RNF152: variants seen among roughly 807,000 people sequenced by gnomAD.
The protein encoded by RNF152 is ring finger protein 152.
In RNF152, 11 loss-of-function variants were observed where a neutral mutation model predicts 12.7. The ratio of observed to expected loss-of-function variants is 0.86; its 90% CI spans 0.54 to 1.43. The LOEUF (loss-of-function observed/expected upper bound fraction) is 1.43, where lower values mean the gene tolerates loss of function less well. Ranked by LOEUF, RNF152 falls within the 40% of genes most tolerant of loss-of-function variation. The pLI is 0.00. For missense variants in RNF152, 255 were observed against 274.8 expected (o/e 0.93, Z 0.51); for synonymous variants, 113 against 120.3 (o/e 0.94, Z 0.40).
intron 1 of RNF152, among the ~76,000 whole-genome samples, chr18:61,883,279 C>T (rs1025422436): frequency 8.5e-5 from 13 of 152,106 alleles, no homozygotes; most frequent in African/African-American, 3.1e-4. Context: ...TGTACCGGGC[C>T]CCAAGCGGCT....
Position 61,841,959 on chromosome 18 carries a change from A to C in RNF152, c.-135-25361T>G, listed in dbSNP as rs529926645. On this transcript the variant is annotated intron_variant, in intron 1 of 1. Coordinates refer to ENST00000312828, the MANE Select transcript of RNF152 (RefSeq NM_173557.3). The stretch of plus-strand genomic sequence containing the variant: ...GCCATTGACAATACGTAACAAATGG[A>C]CATGACTGTGTTCCAATAAAACTTT... 9.2e-5 allele frequency among the ~76,000 whole-genome samples: 14 copies of C among 152,360 alleles called. No homozygotes were observed. The Middle Eastern group carries it at 0.01, about 111-fold the overall frequency.
Position 61,818,428 on chromosome 18 carries a change from A to T in RNF152, c.-135-1830T>A, listed in dbSNP as rs554902952. On this transcript the variant is annotated intron_variant, in intron 1 of 1. Transcript: ENST00000312828. The stretch of plus-strand genomic sequence containing the variant: ...ACAGAATGAGACCCTGTCTCAAATT[A>T]AAAAAAAAACAAAAAACAAAAAACA... Among the ~76,000 whole-genome samples, 9 of 148,172 alleles carry T rather than the reference A, an allele frequency of 6.1e-5. No homozygotes were observed. The South Asian group carries it at 1.1e-3, about 17-fold the overall frequency.
chr18:61,878,348 C>T (rs189160571), intron 1 of RNF152, among the ~76,000 whole-genome samples: 5 of 152,304 alleles, frequency 3.3e-5, no homozygotes, highest in Non-Finnish European at 5.9e-5. Flanking sequence ...TATCCAGCCC[C>T]AGAGGTCAAA....
At chr18:61,819,064 A>C (rs577628417) in intron 1 of RNF152, among the ~76,000 whole-genome samples, 15 of 152,374 alleles carry the variant, frequency 9.8e-5, no homozygotes, top group Admixed American at 2.6e-4. Context: ...AAAGAAGGTA[A>C]GCGATTACAG....
At chr18:61,891,575 T>G (rs868853969) in intron 1 of RNF152, among the ~76,000 whole-genome samples, 2 of 152,200 alleles carry the variant, frequency 1.3e-5, no homozygotes, top group South Asian at 4.1e-4. Context: ...AATACCTCTA[T>G]CTTAGCACCA....
chr18:61,887,896 G>A (rs1000345700), intron 1 of RNF152, among the ~76,000 whole-genome samples: 2 of 152,066 alleles, frequency 1.3e-5, no homozygotes, highest in African/African-American at 4.8e-5. Flanking sequence ...CAGGGGAGAG[G>A]AGGTTGTAGA....
intron 1 of RNF152, among the ~76,000 whole-genome samples, chr18:61,819,044 T>A (rs1305633376): frequency 6.6e-6 from 1 of 152,216 alleles, no homozygotes; most frequent in Non-Finnish European, 1.5e-5. Flanking sequence ...GGAATCAGCA[T>A]GAGCAAAGGA....
intron 1 of RNF152, among the ~76,000 whole-genome samples, chr18:61,831,463 G>A (rs766458071): frequency 7.6e-4 from 116 of 152,272 alleles, no homozygotes; most frequent in Non-Finnish European, 1.5e-3. Context: ...AATAACGCCA[G>A]GATGAAAATG....
At chr18:61,888,613 C>A (rs957713615) in intron 1 of RNF152, 1 of 152,194 alleles carries the variant, frequency 6.6e-6, no homozygotes, top group African/African-American at 2.4e-5. Flanking sequence ...CAAGGCTGAG[C>A]TATGATGTCA....
chr18:61,863,890 CTGA>C (rs1440448963), intron 1 of RNF152, among the ~76,000 whole-genome samples: 1 of 152,204 alleles, frequency 6.6e-6, no homozygotes, highest in Non-Finnish European at 1.5e-5. Flanking sequence ...CTGAACAGCA[CTGA>C]TGATAAGGAA....
chr18:61,821,558 A>G (rs1000848357), intron 1 of RNF152, among the ~76,000 whole-genome samples: 5 of 152,368 alleles, frequency 3.3e-5, no homozygotes, highest in African/African-American at 1.2e-4. Context: ...AACAAAGTCC[A>G]TGTAGACCAG....
intron 1 of RNF152, among the ~76,000 whole-genome samples, chr18:61,833,953 T>G (rs1910067115): frequency 1.3e-5 from 2 of 152,228 alleles, no homozygotes; most frequent in Admixed American, 6.5e-5. Context: ...TTTAATTATG[T>G]GTGGTTAGCA....
chr18:61,880,755 A>G (rs1224073795), intron 1 of RNF152, among the ~76,000 whole-genome samples: 1 of 152,204 alleles, frequency 6.6e-6, no homozygotes, highest in Non-Finnish European at 1.5e-5. Context: ...AAATGTTTTT[A>G]ATTATGAAGC....
chr18:61,845,918 T>C (rs898153124), intron 1 of RNF152, among the ~76,000 whole-genome samples: 6 of 140,382 alleles, frequency 4.3e-5, no homozygotes, highest in African/African-American at 1.5e-4. Flanking sequence ...TGGGGCTTTG[T>C]GTGGGGGGGC....
intron 1 of RNF152, among the ~76,000 whole-genome samples, chr18:61,842,583 AC>A (rs1910502332): frequency 6.6e-6 from 1 of 152,160 alleles, no homozygotes; most frequent in Admixed American, 6.5e-5. Context: ...ACTATTGAGC[AC>A]CTTCATGAGT....
chr18:61,837,611 T>G (rs1910247643), intron 1 of RNF152, among the ~76,000 whole-genome samples: 1 of 152,196 alleles, frequency 6.6e-6, no homozygotes, highest in African/African-American at 2.4e-5. Flanking sequence ...TATAACAAAA[T>G]CCCTCATACA....
chr18:61,850,633 AG>A (rs1224793352), intron 1 of RNF152, among the ~76,000 whole-genome samples: 1 of 152,252 alleles, frequency 6.6e-6, no homozygotes, highest in Admixed American at 6.5e-5. Context: ...TCTTGGAAAA[AG>A]GAGGCTTTCA....
intron 1 of RNF152, among the ~76,000 whole-genome samples, chr18:61,850,629 A>G (rs1263159835): frequency 6.6e-6 from 1 of 152,218 alleles, no homozygotes; most frequent in African/African-American, 2.4e-5. Flanking sequence ...GGAATCTTGG[A>G]AAAAGGAGGC....
At chr18:61,825,624 A>G (rs1481899713) in intron 1 of RNF152, among the ~76,000 whole-genome samples, 1 of 151,028 alleles carries the variant, frequency 6.6e-6, no homozygotes, top group Non-Finnish European at 1.5e-5. Context: ...AGACCAGGGA[A>G]GCATGCAGTC....
Sources: gnomAD v4.1 joint callset for allele counts (sites outside exome capture counted in the v4.1 genomes callset) on GRCh38, gnomAD v4.1.1 for gene constraint, MANE v1.5 for transcripts, NCBI Gene and HGNC (gene_info 2026-07-23, HGNC 2026-07-21) for gene names.